CADPS: variants seen among roughly 807,000 people sequenced by gnomAD.
CADPS encodes the protein calcium-dependent secretion activator 1.
Under a neutral mutation model 167.3 loss-of-function variants are expected in CADPS, and 57 were observed. That is an observed-to-expected ratio of 0.34 (90% CI 0.28 to 0.42). The LOEUF (loss-of-function observed/expected upper bound fraction) is 0.42, where lower values mean the gene tolerates loss of function less well. Ranked by LOEUF, CADPS falls within the 20% of genes least tolerant of loss-of-function variation. CADPS has a pLI of 1.00. For missense variants in CADPS, 1,414 were observed against 1,738.1 expected (o/e 0.81, Z 3.32); for synonymous variants, 676 against 635.3 (o/e 1.06, Z -0.96).
chr3:62,761,057 T>C (rs1000672553), intron 2 of CADPS, among the ~76,000 whole-genome samples: 1 of 152,204 alleles, frequency 6.6e-6, no homozygotes, highest in African/African-American at 2.4e-5. Context: ...GAGAATGGAC[T>C]GGGCTAGAGT....
chr3:62,731,910 G>A lies in CADPS; in HGVS notation c.888+21531C>T, dbSNP rs893371834. ...AAAAGGGCGCTGGGCTAAAAGCATGGCTCCGGGATCATGAAGGCCCCTTAG... is the reference window on the plus strand; with the variant it reads ...AAAAGGGCGCTGGGCTAAAAGCATGACTCCGGGATCATGAAGGCCCCTTAG... On this transcript the variant is annotated intron_variant, in intron 3 of 29. Transcript: ENST00000383710. 2.6e-5 allele frequency among the ~76,000 whole-genome samples: 4 copies of A among 151,440 alleles called. No individual in the cohort carries two copies. The South Asian group carries it at 6.3e-4, about 24-fold the overall frequency.
intron 3 of CADPS, among the ~76,000 whole-genome samples, chr3:62,691,873 G>A (rs2151304871): frequency 6.6e-6 from 1 of 152,034 alleles, no homozygotes; most frequent in African/African-American, 2.4e-5. Context: ...AATTACCATG[G>A]CACACATTTA....
intron 1 of CADPS, among the ~76,000 whole-genome samples, chr3:62,814,112 T>C (rs1466828112): frequency 6.6e-6 from 1 of 152,264 alleles, no homozygotes; most frequent in African/African-American, 2.4e-5. Context: ...CTGAAATCTA[T>C]TGGTAGATGC....
At chr3:62,584,385 A>C (rs2084110425) in intron 8 of CADPS, among the ~76,000 whole-genome samples, 1 of 152,208 alleles carries the variant, frequency 6.6e-6, no homozygotes, top group Non-Finnish European at 1.5e-5. Context: ...AGAATTAACG[A>C]GACCTCTCTA....
intron 4 of CADPS, among the ~76,000 whole-genome samples, chr3:62,652,398 CCAAA>C (rs1246293391): frequency 1.8e-4 from 10 of 54,876 alleles, no homozygotes; most frequent in African/African-American, 7.6e-4. Context: ...TTCTGTGTGG[CCAAA>C]AAAAAAAAAA....
chr3:62,430,661 C>T (rs1056468425), intron 28 of CADPS, among the ~76,000 whole-genome samples: 1 of 151,938 alleles, frequency 6.6e-6, no homozygotes, highest in Non-Finnish European at 1.5e-5. Flanking sequence ...ATATATCTTA[C>T]ATACATACAT....
At chr3:62,777,191 T>C (rs2090508913) in intron 1 of CADPS, among the ~76,000 whole-genome samples, 2 of 152,224 alleles carry the variant, frequency 1.3e-5, no homozygotes, top group Admixed American at 1.3e-4. Flanking sequence ...AACTCATCAG[T>C]AGCAATTATT....
At chr3:62,807,870 T>C (rs11717174) in intron 1 of CADPS, among the ~76,000 whole-genome samples, 27,809 of 134,786 alleles carry the variant, frequency 0.21, 2,873 homozygotes, top group Middle Eastern at 0.32. Flanking sequence ...ATTTCTTTTT[T>C]CTTTCTTTCT....
At chr3:62,435,596 G>T (rs2054838008) in intron 28 of CADPS, among the ~76,000 whole-genome samples, 1 of 152,236 alleles carries the variant, frequency 6.6e-6, no homozygotes, top group Middle Eastern at 3.4e-3. Flanking sequence ...TAAAGTAGGA[G>T]ATCAGGTTAT....
chr3:62,867,294 T>C (rs1295226737), intron 1 of CADPS, among the ~76,000 whole-genome samples: 1 of 152,052 alleles, frequency 6.6e-6, no homozygotes, highest in Admixed American at 6.6e-5. Flanking sequence ...TAAGGAACTC[T>C]GAGGATCCCA....
intron 16 of CADPS, 67 bp downstream of exon 16, chr3:62,515,992 A>G: frequency 6.3e-7 from 1 of 1,593,388 alleles, no homozygotes. Flanking sequence ...TTGAGAAAAG[A>G]GAAAGACTTC....
intron 3 of CADPS, among the ~76,000 whole-genome samples, chr3:62,724,053 T>C (rs1285961878): frequency 6.6e-6 from 1 of 152,200 alleles, no homozygotes; most frequent in East Asian, 1.9e-4. Context: ...CGCCAGCTGT[T>C]TCCCTGCAAG....
chr3:62,438,542 T>A lies in CADPS; in HGVS notation c.3670-331A>T, dbSNP rs1465022322. Reference sequence around the variant, plus strand: ...CCATAGATGTTCTCTGACTTTGCCTTGGATTGAAACCTGCATTAAAGAATA... The same window carrying A: ...CCATAGATGTTCTCTGACTTTGCCTAGGATTGAAACCTGCATTAAAGAATA... On this transcript the variant is annotated intron_variant, in intron 27 of 29. Coordinates refer to ENST00000383710, the MANE Select transcript of CADPS (RefSeq NM_003716.4). This position sits in a 1 kb window ranked among gnomAD's most constrained non-coding sequence, Gnocchi z 4.7. 4.4e-6 allele frequency: 1 copy of A among 228,722 alleles called. No homozygotes were observed. The highest frequency in any genetic ancestry group is 8.5e-6 in the Non-Finnish European group (1 of 117,000). 14.2% of individuals were successfully genotyped at this position (228,722 alleles called of 1,614,324 possible).
chr3:62,502,357 C>G lies in CADPS; in HGVS notation c.2600-3089G>C, dbSNP rs1327870723. 3.2e-4 allele frequency among the ~76,000 whole-genome samples: 49 copies of G among 151,706 alleles called. 1 individual carries two copies. Among genetic ancestry groups the G allele is most frequent in the Admixed American group, 3.1e-3 (47 of 15,240 alleles). ...TGTCTTCAGATGAATTACAATATTCCTATCCCCCAAGCTTGCGCTAGCTGG... is the reference window on the plus strand; with the variant it reads ...TGTCTTCAGATGAATTACAATATTCGTATCCCCCAAGCTTGCGCTAGCTGG... On this transcript the variant is annotated intron_variant, in intron 17 of 29. Coordinates refer to ENST00000383710, the MANE Select transcript of CADPS (RefSeq NM_003716.4).
intron 1 of CADPS, among the ~76,000 whole-genome samples, chr3:62,803,404 G>T (rs547276740): frequency 6.6e-6 from 1 of 150,778 alleles, no homozygotes; most frequent in South Asian, 2.1e-4. Context: ...CTTCCTCAGG[G>T]CTATTTGGAA....
chr3:62,719,738 A>C (rs1402275728), intron 3 of CADPS, among the ~76,000 whole-genome samples: 1 of 152,228 alleles, frequency 6.6e-6, no homozygotes, highest in Non-Finnish European at 1.5e-5. Context: ...CCATTACACC[A>C]ACTAAATGGC....
At chr3:62,649,013 A>C (rs2069313305) in intron 5 of CADPS, among the ~76,000 whole-genome samples, 1 of 152,192 alleles carries the variant, frequency 6.6e-6, no homozygotes, top group African/African-American at 2.4e-5. Context: ...CTCCATCCAA[A>C]CTTAGCACAG....
chr3:62,648,763 C>T (rs1424206938), intron 5 of CADPS, among the ~76,000 whole-genome samples: 3 of 149,566 alleles, frequency 2.0e-5, no homozygotes, highest in South Asian at 4.3e-4. Flanking sequence ...CACTTTCCCC[C>T]CGTTTCTGTA....
chr3:62,523,941 C>G (rs537344128), intron 13 of CADPS, among the ~76,000 whole-genome samples: 1 of 152,314 alleles, frequency 6.6e-6, no homozygotes, highest in Non-Finnish European at 1.5e-5. Flanking sequence ...TAACTGAATC[C>G]TACTTGCTAC....
Sources: allele counts gnomAD v4.1 joint callset (sites outside exome capture counted in the v4.1 genomes callset), GRCh38; gene constraint gnomAD v4.1.1; non-coding constraint Gnocchi (gnomAD v3.1); transcripts MANE v1.5; gene names NCBI Gene and HGNC (gene_info 2026-07-23, HGNC 2026-07-21).